TIAM2: variants seen among roughly 807,000 people sequenced by gnomAD.
The protein encoded by TIAM2 is TIAM Rac1 associated GEF 2.
A neutral mutation model predicts 152.9 loss-of-function variants in TIAM2; 80 were observed. The ratio of observed to expected loss-of-function variants is 0.52; its 90% CI spans 0.44 to 0.63. The LOEUF (loss-of-function observed/expected upper bound fraction) is 0.63, where lower values mean the gene tolerates loss of function less well. Among genes scored for constraint, TIAM2 ranks in the 30% least tolerant of loss-of-function variants. The pLI, the probability that TIAM2 is intolerant of heterozygous loss-of-function variation, is 0.00. For synonymous variants in TIAM2, 804 were observed against 838.0 expected (o/e 0.96, Z 0.70); for missense variants, 1,965 against 2,120.1 (o/e 0.93, Z 1.44).
chr6:155,060,132 C>T (rs1448545681), intron 1 of TIAM2, among the ~76,000 whole-genome samples: 2 of 152,132 alleles, frequency 1.3e-5, no homozygotes, highest in African/African-American at 2.4e-5. Flanking sequence ...AGGCTGGGTG[C>T]GGTGCTTACG....
intron 1 of TIAM2, among the ~76,000 whole-genome samples, chr6:155,053,071 T>G (rs1777355212): frequency 6.6e-6 from 1 of 152,188 alleles, no homozygotes; most frequent in Admixed American, 6.6e-5. Context: ...TTCCAATATT[T>G]CGTACTTTTT....
At chr6:155,178,884 G>A (rs1583232724) in intron 10 of TIAM2, among the ~76,000 whole-genome samples, 155 bp from the exon 11 acceptor site, 1 of 152,118 alleles carries the variant, frequency 6.6e-6, no homozygotes, top group South Asian at 2.1e-4. Flanking sequence ...CTGCATACAA[G>A]TATTTAAATT....
At position 155,100,844 on chromosome 6, in the gene TIAM2, TCA is replaced by T. The variant is rs531480256; in HGVS notation, c.-118+10468_-118+10469del. Among the ~76,000 whole-genome samples, 19 of 152,280 alleles carry T rather than the reference TCA, an allele frequency of 1.2e-4. No individual in the cohort carries two copies. In the South Asian group the frequency reaches 3.7e-3, roughly 30 times the overall value. On this transcript the variant is annotated intron_variant, in intron 2 of 26. Coordinates refer to ENST00000682666, the MANE Select transcript of TIAM2 (RefSeq NM_012454.4). ...GAGAAATTAAATGATGTGTCCAGTG[TCA>T]CATACGAAACTGAGGCGCAGAGAAA... is the stretch of plus-strand genomic sequence containing the variant.
intron 9 of TIAM2, chr6:155,168,694 C>A: frequency 1.6e-6 from 1 of 632,444 alleles, no homozygotes; most frequent in Non-Finnish European, 2.5e-6. Context: ...GAAATAAAAA[C>A]TTTAAGTGTA....
intron 1 of TIAM2, among the ~76,000 whole-genome samples, chr6:155,029,494 AT>A: frequency 4.1e-5 from 1 of 24,144 alleles, no homozygotes; most frequent in Non-Finnish European, 7.2e-5. Flanking sequence ...ACTATAGTAT[AT>A]ATTATATATA....
intron 2 of TIAM2, among the ~76,000 whole-genome samples, chr6:155,115,584 T>C (rs996967760): frequency 1.3e-5 from 2 of 152,146 alleles, no homozygotes; most frequent in African/African-American, 4.8e-5. Context: ...GCCCTGGCAT[T>C]TGAGGTTACA....
At chr6:155,172,834 T>G (rs1236807805) in intron 9 of TIAM2, among the ~76,000 whole-genome samples, 1 of 150,968 alleles carries the variant, frequency 6.6e-6, no homozygotes, top group African/African-American at 2.4e-5. Flanking sequence ...ATCTTTGACA[T>G]GGGTAACCTG....
intron 3 of TIAM2, among the ~76,000 whole-genome samples, chr6:155,128,799 G>A (rs1216318197): frequency 6.6e-6 from 1 of 151,830 alleles, no homozygotes; most frequent in Non-Finnish European, 1.5e-5. Flanking sequence ...CTAGGAAGTC[G>A]AGGCTGCAGT....
At chr6:155,072,065 C>G (rs1777851288) in intron 1 of TIAM2, among the ~76,000 whole-genome samples, 1 of 151,982 alleles carries the variant, frequency 6.6e-6, no homozygotes, top group South Asian at 2.1e-4. Context: ...GGCATGGAGG[C>G]ATTTGGAACA....
chr6:155,025,177 G>GTCTGGCTAA (rs1776573845), intron 1 of TIAM2, among the ~76,000 whole-genome samples: 1 of 147,942 alleles, frequency 6.8e-6, no homozygotes, highest in South Asian at 2.2e-4. Flanking sequence ...TAGGCACCAC[G>GTCTGGCTAA]TCTGGCTAAT....
At position 155,257,440 on chromosome 6, in the gene TIAM2, A is replaced by G; in HGVS notation, c.*319A>G. 1 of 344,516 alleles carries G rather than the reference A, an allele frequency of 2.9e-6. No individual in the cohort carries two copies. Among genetic ancestry groups the G allele is most frequent in the South Asian group, 3.6e-5 (1 of 28,092 alleles). 21.3% of individuals were successfully genotyped at this position (344,516 alleles called of 1,614,324 possible). A position where few individuals can be genotyped will look rare whatever the true frequency, so the allele number is the denominator to read the frequency against. ...AAGTAAGGCTGGGGAAGTCGTGATT[A>G]ATAGTTTTCAAAGGGCCATTTTTTA... On this transcript the variant is annotated 3_prime_UTR_variant, in exon 27 of 27. Transcript: ENST00000682666.
At chr6:155,222,244 A>G (rs62428917) in intron 15 of TIAM2, among the ~76,000 whole-genome samples, 138,027 of 151,836 alleles carry the variant, frequency 0.91, 62,926 homozygotes, top group East Asian at 1. Flanking sequence ...GTGAGCCACC[A>G]CACCCGGCCT....
chr6:155,251,617 T>C (rs929515755), intron 22 of TIAM2, among the ~76,000 whole-genome samples: 6 of 152,160 alleles, frequency 3.9e-5, no homozygotes, highest in African/African-American at 1.4e-4. Context: ...GTCTGCTGTA[T>C]TTCAAATGTT....
chr6:155,099,043 C>A (rs1274763341), intron 2 of TIAM2, among the ~76,000 whole-genome samples: 1 of 152,198 alleles, frequency 6.6e-6, no homozygotes, highest in African/African-American at 2.4e-5. Flanking sequence ...CAAAATTAGT[C>A]GGGCGTGGTG....
At chr6:155,245,850 T>C (rs1783296626) in intron 19 of TIAM2, 119 bp downstream of exon 19, 3 of 614,188 alleles carry the variant, frequency 4.9e-6, no homozygotes, top group Non-Finnish European at 7.9e-6. Flanking sequence ...TTAAGGTCCA[T>C]CCTTGACCTT....
chr6:155,097,960 G>A (rs1236340109), intron 2 of TIAM2, among the ~76,000 whole-genome samples: 3 of 151,970 alleles, frequency 2.0e-5, no homozygotes, highest in Non-Finnish European at 4.4e-5. Context: ...AAGATGAGTT[G>A]GTTATAAATG....
intron 5 of TIAM2, 139 bp downstream of exon 5, chr6:155,137,751 C>A: frequency 1.1e-6 from 1 of 872,412 alleles, no homozygotes; most frequent in Non-Finnish European, 1.7e-6. Flanking sequence ...TGCCTTCATG[C>A]AGATACTTTC....
chr6:155,220,613 C>CT (rs1167609755), intron 15 of TIAM2, among the ~76,000 whole-genome samples: 1 of 152,116 alleles, frequency 6.6e-6, no homozygotes, highest in Non-Finnish European at 1.5e-5. Flanking sequence ...CACTGAGGCA[C>CT]TTTCGTCAGC....
intron 9 of TIAM2, 132 bp from the exon 10 acceptor site, chr6:155,176,684 T>G: frequency 2.2e-5 from 20 of 904,804 alleles, no homozygotes; most frequent in Non-Finnish European, 3.0e-5. Context: ...CAGAGGGCTG[T>G]GAGAAGCCAG....
Sources: gnomAD v4.1 joint callset for allele counts (sites outside exome capture counted in the v4.1 genomes callset) on GRCh38, gnomAD v4.1.1 for gene constraint, MANE v1.5 for transcripts, NCBI Gene and HGNC (gene_info 2026-07-23, HGNC 2026-07-21) for gene names.